GRM8: variants seen among roughly 807,000 people sequenced by gnomAD.
GRM8 encodes glutamate metabotropic receptor 8.
Under a neutral mutation model 87.2 loss-of-function variants are expected in GRM8, and 47 were observed. That is an observed-to-expected ratio of 0.54 (90% CI 0.43 to 0.69). The LOEUF (loss-of-function observed/expected upper bound fraction) is 0.69. Ranked by LOEUF, GRM8 falls within the 30% of genes least tolerant of loss-of-function variation. The probability of loss-of-function intolerance (pLI) is 0.00; values close to 1 mark genes in which losing one functional copy is unlikely to be tolerated. For missense variants in GRM8, 1,019 were observed against 1,139.2 expected (o/e 0.89, Z 1.52); for synonymous variants, 396 against 404.5 (o/e 0.98, Z 0.25).
At chr7:126,936,530 C>A (rs1806341368) in intron 3 of GRM8, among the ~76,000 whole-genome samples, 1 of 152,150 alleles carries the variant, frequency 6.6e-6, no homozygotes. Flanking sequence ...CCACTGGAGA[C>A]TACACCTCCC....
At chr7:127,110,693 T>C (rs1826268719) in intron 2 of GRM8, among the ~76,000 whole-genome samples, 1 of 152,196 alleles carries the variant, frequency 6.6e-6, no homozygotes, top group Non-Finnish European at 1.5e-5. Flanking sequence ...TCTCTCACTA[T>C]ATTCTCACTT....
chr7:126,727,339 GA>G (rs1813108492), intron 7 of GRM8, among the ~76,000 whole-genome samples: 2 of 151,820 alleles, frequency 1.3e-5, no homozygotes, highest in Admixed American at 6.6e-5. Flanking sequence ...TATATATTTA[GA>G]AAAAATATTT....
chr7:127,108,656 C>A (rs1422601303), intron 2 of GRM8, among the ~76,000 whole-genome samples: 1 of 152,056 alleles, frequency 6.6e-6, no homozygotes, highest in Non-Finnish European at 1.5e-5. Context: ...TGTTTGAAAC[C>A]AAAACTAATT....
rs186833659 is a variant in GRM8 at position 126,561,938 on chromosome 7, T to C, written c.1495-28051A>G. On this transcript the variant is annotated intron_variant, in intron 8 of 10. Transcript: ENST00000339582. ...TGAGTTCATGTCCTTTGTAGAGACA[T>C]GGATGAAACTGGAAACCATTTTATT... 5.1e-4 allele frequency among the ~76,000 whole-genome samples: 77 copies of C among 152,120 alleles called. 1 individual carries two copies. Among genetic ancestry groups the C allele is most frequent in the African/African-American group, 1.7e-3 (71 of 41,532 alleles).
chr7:126,703,275 G>A (rs1810139025), intron 7 of GRM8, among the ~76,000 whole-genome samples: 1 of 152,196 alleles, frequency 6.6e-6, no homozygotes, highest in African/African-American at 2.4e-5. Context: ...AGATCAGAAG[G>A]TAGATGTGCT....
chr7:127,126,178 A>G (rs1396620000), intron 2 of GRM8, among the ~76,000 whole-genome samples: 3 of 152,084 alleles, frequency 2.0e-5, no homozygotes, highest in Non-Finnish European at 4.4e-5. Flanking sequence ...CTGTACTCAT[A>G]TGTTTATCAT....
intron 6 of GRM8, among the ~76,000 whole-genome samples, chr7:126,882,911 G>A (rs1800150236): frequency 6.6e-6 from 1 of 152,026 alleles, no homozygotes; most frequent in African/African-American, 2.4e-5. Context: ...TTTACCCTGG[G>A]GCAGTTTTCA....
At chr7:126,868,850 G>A (rs1798832952) in intron 6 of GRM8, 1 of 152,222 alleles carries the variant, frequency 6.6e-6, no homozygotes, top group African/African-American at 2.4e-5. Context: ...CTGGGTGGTA[G>A]TTGCTGAAGG....
chr7:126,831,019 A>G (rs1335760809), intron 6 of GRM8, among the ~76,000 whole-genome samples: 1 of 152,068 alleles, frequency 6.6e-6, no homozygotes, highest in Non-Finnish European at 1.5e-5. Context: ...AGAACCGCGG[A>G]TTTTCGTGAT....
intron 3 of GRM8, among the ~76,000 whole-genome samples, chr7:126,943,611 G>T (rs1343705847): frequency 6.6e-6 from 1 of 152,298 alleles, no homozygotes; most frequent in East Asian, 1.9e-4. Flanking sequence ...GACTCCATTT[G>T]TCTTTAACAG....
chr7:126,470,400 C>A (rs1805042519), intron 9 of GRM8, among the ~76,000 whole-genome samples: 2 of 137,206 alleles, frequency 1.5e-5, no homozygotes, highest in African/African-American at 5.5e-5. Flanking sequence ...TCCATGTGTT[C>A]TCATTGTTCA....
At chr7:126,834,902 C>T (rs983413088) in intron 6 of GRM8, among the ~76,000 whole-genome samples, 4 of 151,614 alleles carry the variant, frequency 2.6e-5, no homozygotes, top group South Asian at 2.1e-4. Context: ...GTTTGAGACC[C>T]GGTCTCTGAA....
At chr7:126,507,908 C>T (rs1204683436) in intron 9 of GRM8, among the ~76,000 whole-genome samples, 11 of 151,994 alleles carry the variant, frequency 7.2e-5, no homozygotes, top group Non-Finnish European at 1.5e-5. Context: ...TTCTATTAGT[C>T]CAATCATCTC....
At chr7:126,817,616 C>T (rs955774355) in intron 6 of GRM8, among the ~76,000 whole-genome samples, 7 of 152,064 alleles carry the variant, frequency 4.6e-5, no homozygotes, top group South Asian at 4.1e-4. Context: ...TGCATATTTA[C>T]GAAAAGTCCT....
At chr7:127,183,028 A>G (rs1794553358) in intron 2 of GRM8, among the ~76,000 whole-genome samples, 1 of 151,806 alleles carries the variant, frequency 6.6e-6, no homozygotes, top group African/African-American at 2.4e-5. Context: ...TACCACCTGT[A>G]CTCCAATAAC....
intron 6 of GRM8, among the ~76,000 whole-genome samples, chr7:126,877,227 C>T (rs2130952085): frequency 6.6e-6 from 1 of 152,150 alleles, no homozygotes; most frequent in South Asian, 2.1e-4. Context: ...TTTGTTTTGC[C>T]TGCTTCTAAA....
At chr7:126,604,887 C>T (rs935196787) in intron 8 of GRM8, among the ~76,000 whole-genome samples, 3 of 152,162 alleles carry the variant, frequency 2.0e-5, no homozygotes. Context: ...ATCACCCTTC[C>T]AAATTACACT....
intron 2 of GRM8, among the ~76,000 whole-genome samples, chr7:127,224,115 C>A (rs1294155589): frequency 1.3e-5 from 2 of 151,938 alleles, no homozygotes. Context: ...ATCTGACTCC[C>A]AGAAGGAGAG....
chr7:127,122,773 A>G (rs914922940), intron 2 of GRM8, among the ~76,000 whole-genome samples: 2 of 152,216 alleles, frequency 1.3e-5, no homozygotes, highest in Admixed American at 6.5e-5. Context: ...TGCAGGATGA[A>G]AAACACTTGA....
Sources: gnomAD v4.1 joint callset for allele counts (sites outside exome capture counted in the v4.1 genomes callset) on GRCh38, gnomAD v4.1.1 for gene constraint, MANE v1.5 for transcripts, NCBI Gene and HGNC (gene_info 2026-07-23, HGNC 2026-07-21) for gene names.